Variants in LGMN observed in about 807,000 individuals in gnomAD.
The protein encoded by LGMN is legumain, also known as asparaginyl endopeptidase.
Under a neutral mutation model 56.8 loss-of-function variants are expected in LGMN, and 36 were observed. The ratio of observed to expected loss-of-function variants is 0.63; its 90% CI spans 0.49 to 0.84. The LOEUF (loss-of-function observed/expected upper bound fraction) is 0.84, where lower values mean the gene tolerates loss of function less well. Among genes scored for constraint, LGMN ranks in the 40% least tolerant of loss-of-function variants. The probability of loss-of-function intolerance (pLI) is 0.00; values close to 1 mark genes in which losing one functional copy is unlikely to be tolerated. For missense variants in LGMN, 446 were observed against 556.1 expected (o/e 0.80, Z 1.99); for synonymous variants, 199 against 210.1 (o/e 0.95, Z 0.46).
At chr14:92,746,110 C>G (rs922212047) in intron 1 of LGMN, among the ~76,000 whole-genome samples, 2 of 152,150 alleles carry the variant, frequency 1.3e-5, no homozygotes, top group Non-Finnish European at 2.9e-5. Flanking sequence ...CACGAGCCAC[C>G]GCGCCCAGCG....
At chr14:92,706,752 C>G in intron 11 of LGMN, 99 bp from the exon 12 acceptor site, 6 of 1,074,788 alleles carry the variant, frequency 5.6e-6, no homozygotes, top group Non-Finnish European at 7.5e-6. Flanking sequence ...ACTCTCCACA[C>G]AGCCCTCAGC....
intron 1 of LGMN, among the ~76,000 whole-genome samples, chr14:92,743,463 A>C (rs2140283595): frequency 6.6e-6 from 1 of 151,500 alleles, no homozygotes; most frequent in South Asian, 2.1e-4. Flanking sequence ...GGATTGCCCC[A>C]CTGCACTCCA....
Position 92,714,325 on chromosome 14 carries a change from G to T in LGMN, c.480+51C>A. The T allele has an allele frequency of 7.9e-7, 1 of 1,272,994 alleles. No individual in the cohort carries two copies. Among genetic ancestry groups the T allele is most frequent in the Non-Finnish European group, 1.1e-6 (1 of 873,144 alleles). 78.9% of individuals were successfully genotyped at this position (1,272,994 alleles called of 1,614,324 possible). ...CTATGGGTTTAATCTCGACACCTAG[G>T]CTTGCTTTTCTGTTCTGCTAGTTTG... On this transcript the variant is annotated intron_variant, in intron 6 of 13. Transcript: ENST00000334869. This position sits in a 1 kb window ranked among gnomAD's most constrained non-coding sequence, Gnocchi z 5.1.
intron 2 of LGMN, among the ~76,000 whole-genome samples, chr14:92,720,607 C>T (rs1199819757): frequency 6.6e-6 from 1 of 152,166 alleles, no homozygotes; most frequent in Non-Finnish European, 1.5e-5. Flanking sequence ...GCGGCGGTTG[C>T]AGTGAGCCGA....
At chr14:92,717,541 G>A (rs1595537413) in intron 3 of LGMN, 80 bp from the exon 4 acceptor site, 7 of 1,035,636 alleles carry the variant, frequency 6.8e-6, no homozygotes, top group South Asian at 1.3e-5. Flanking sequence ...TATGTTATGC[G>A]AAAAAATAGT....
chr14:92,711,586 GAGATCAATA>G (rs1436987814), intron 10 of LGMN, 64 bp downstream of exon 10: 26 of 1,319,098 alleles, frequency 2.0e-5, no homozygotes, highest in Non-Finnish European at 2.6e-5. Context: ...TCTTTAGCAA[GAGATCAATA>G]TTCCAGGCAA....
At chr14:92,731,537 T>C (rs912735624) in intron 2 of LGMN, among the ~76,000 whole-genome samples, 2 of 152,274 alleles carry the variant, frequency 1.3e-5, no homozygotes, top group Admixed American at 1.3e-4. Context: ...TGGGCTTTCA[T>C]TTAAATGGAA....
At chr14:92,711,087 CA>C (rs762686572) in intron 10 of LGMN, among the ~76,000 whole-genome samples, 6 of 152,242 alleles carry the variant, frequency 3.9e-5, no homozygotes, top group Non-Finnish European at 7.3e-5. Flanking sequence ...CTAGCCCCAG[CA>C]GCTTCACTTA....
At chr14:92,713,650 G>A (rs1889913212) in intron 7 of LGMN, among the ~76,000 whole-genome samples, 173 bp downstream of exon 7, 1 of 152,212 alleles carries the variant, frequency 6.6e-6, no homozygotes, top group African/African-American at 2.4e-5. Context: ...CATGATTCCA[G>A]TCTAATAGCT....
At chr14:92,740,674 G>A (rs750133522) in intron 1 of LGMN, among the ~76,000 whole-genome samples, 1 of 152,136 alleles carries the variant, frequency 6.6e-6, no homozygotes, top group Non-Finnish European at 1.5e-5. Context: ...GTGCTCTTTC[G>A]TGCCCTACTA....
At chr14:92,713,340 A>G (rs113790383) in intron 7 of LGMN, among the ~76,000 whole-genome samples, 282 of 152,094 alleles carry the variant, frequency 1.9e-3, no homozygotes, top group Non-Finnish European at 2.8e-3. Flanking sequence ...TCAGCCTCCT[A>G]AAGTGCTGGG....
chr14:92,732,586 T>C, intron 2 of LGMN, 63 bp downstream of exon 2: 1 of 1,549,004 alleles, frequency 6.5e-7, no homozygotes. Flanking sequence ...ATATTAACAG[T>C]GTCTGGAATT....
At chr14:92,709,971 G>T in intron 10 of LGMN, 99 bp from the exon 11 acceptor site, 1 of 949,290 alleles carries the variant, frequency 1.1e-6, no homozygotes, top group Non-Finnish European at 1.6e-6. Context: ...TGAGTGGGAG[G>T]AGCAGAGGTG....
intron 12 of LGMN, among the ~76,000 whole-genome samples, chr14:92,705,643 T>C (rs1889393775): frequency 6.6e-6 from 1 of 152,164 alleles, no homozygotes; most frequent in Non-Finnish European, 1.5e-5. Context: ...AAACTTTTTT[T>C]TGGAGACAGA....
intron 2 of LGMN, among the ~76,000 whole-genome samples, chr14:92,727,790 C>T (rs1360760077): frequency 6.6e-6 from 1 of 152,144 alleles, no homozygotes; most frequent in Non-Finnish European, 1.5e-5. Context: ...TTCTCAGCCT[C>T]GAGTTCAGGT....
chr14:92,731,383 T>C (rs1463628025), intron 2 of LGMN, among the ~76,000 whole-genome samples: 1 of 152,262 alleles, frequency 6.6e-6, no homozygotes, highest in Non-Finnish European at 1.5e-5. Flanking sequence ...CACCAAGTTG[T>C]GTACTCATCA....
At position 92,711,651 on chromosome 14, in the gene LGMN, C is replaced by T. The variant is rs760409469; in HGVS notation, c.819+8G>A. 5.0e-6 allele frequency: 8 copies of T among 1,613,430 alleles called. No individual in the cohort carries two copies. The highest frequency in any genetic ancestry group is 1.7e-4 in the Middle Eastern group (1 of 6,060). On this transcript the variant is annotated splice_region_variant and intron_variant, in intron 10 of 13. Coordinates refer to ENST00000334869, the MANE Select transcript of LGMN (RefSeq NM_005606.7). ...ACAGAGGGCCAGCACGCGAGGCTCC[C>T]GACTCACTTTGTTTCCATACTGCAT...
intron 7 of LGMN, 26 bp downstream of exon 7, chr14:92,713,797 C>A (rs896873744): frequency 5.7e-6 from 9 of 1,583,810 alleles, no homozygotes; most frequent in African/African-American, 1.3e-5. Flanking sequence ...CCCGCCCCCA[C>A]AAGGCTGCCC....
chr14:92,732,613 T>C (rs777521158), intron 2 of LGMN, 36 bp downstream of exon 2: 7 of 1,607,442 alleles, frequency 4.4e-6, no homozygotes, highest in Non-Finnish European at 6.0e-6. Context: ...AGAATGCCAG[T>C]GTCCTTAACA....
Sources: gnomAD v4.1 joint callset for allele counts (sites outside exome capture counted in the v4.1 genomes callset) on GRCh38, gnomAD v4.1.1 for gene constraint, Gnocchi (gnomAD v3.1) non-coding constraint, MANE v1.5 for transcripts, NCBI Gene and HGNC (gene_info 2026-07-23, HGNC 2026-07-21) for gene names.